Variants in CNTN5 observed in about 807,000 individuals in gnomAD.
CNTN5 encodes the protein contactin 5.
Under a neutral mutation model 129.1 loss-of-function variants are expected in CNTN5, and 77 were observed. That is an observed-to-expected ratio of 0.60 (90% confidence interval 0.50 to 0.72). The LOEUF (loss-of-function observed/expected upper bound fraction) is 0.72. Among genes scored for constraint, CNTN5 ranks in the 30% least tolerant of loss-of-function variants. The probability of loss-of-function intolerance (pLI) is 0.00; values close to 1 mark genes in which losing one functional copy is unlikely to be tolerated. For missense variants in CNTN5, 1,478 were observed against 1,328.8 expected, an observed-to-expected ratio of 1.11 and a Z score of -1.75; for synonymous variants, 509 against 465.6, an observed-to-expected ratio of 1.09 and a Z score of -1.20.
intron 3 of CNTN5, among the ~76,000 whole-genome samples, chr11:99,724,673 C>G (rs1373034916): frequency 1.3e-5 from 2 of 152,080 alleles, no homozygotes; most frequent in Non-Finnish European, 2.9e-5. Context: ...GAGGACTTGA[C>G]TAAGAGATAC....
At chr11:100,252,244 T>C (rs1949977329) in intron 16 of CNTN5, among the ~76,000 whole-genome samples, 1 of 152,148 alleles carries the variant, frequency 6.6e-6, no homozygotes. Context: ...CAGATGTGAC[T>C]GTTTTTTAAT....
chr11:100,201,412 T>C (rs1948774758), intron 15 of CNTN5, among the ~76,000 whole-genome samples: 1 of 151,940 alleles, frequency 6.6e-6, no homozygotes, highest in South Asian at 2.1e-4. Context: ...AATAAATGAA[T>C]ATTATCAAAA....
intron 3 of CNTN5, among the ~76,000 whole-genome samples, chr11:99,791,112 GT>G (rs35865644): frequency 0.58 from 86,745 of 149,128 alleles, 25,770 homozygotes; most frequent in East Asian, 0.72. Context: ...TTTGTTGATA[GT>G]TTTTTTTTTT....
intron 3 of CNTN5, among the ~76,000 whole-genome samples, chr11:99,801,065 T>G (rs1228556323): frequency 6.6e-6 from 1 of 152,128 alleles, no homozygotes; most frequent in Non-Finnish European, 1.5e-5. Flanking sequence ...AAGTATGTTT[T>G]GTTTTGTTTT....
chr11:99,619,490 A>G (rs1950863663), intron 3 of CNTN5, among the ~76,000 whole-genome samples: 2 of 152,130 alleles, frequency 1.3e-5, no homozygotes, highest in Admixed American at 6.5e-5. Flanking sequence ...TGGAGCTGTC[A>G]TCACCATCTA....
chr11:99,235,095 C>T (rs1861200291), intron 1 of CNTN5, among the ~76,000 whole-genome samples: 1 of 150,638 alleles, frequency 6.6e-6, no homozygotes, highest in South Asian at 2.1e-4. Context: ...TTGGTAATTA[C>T]ACTTAATTTG....
At chr11:100,186,764 G>C (rs1948312025) in intron 13 of CNTN5, among the ~76,000 whole-genome samples, 1 of 152,114 alleles carries the variant, frequency 6.6e-6, no homozygotes, top group Non-Finnish European at 1.5e-5. Flanking sequence ...CCCCATATAT[G>C]AAAATTCTAT....
chr11:99,996,405 GCTCT>G (rs1176417554), intron 8 of CNTN5, among the ~76,000 whole-genome samples: 10 of 152,160 alleles, frequency 6.6e-5, no homozygotes, highest in Middle Eastern at 3.4e-3. Flanking sequence ...GATAATCAAT[GCTCT>G]CTATTTTTCA....
At chr11:100,344,237 T>C (rs566150537) in intron 23 of CNTN5, among the ~76,000 whole-genome samples, 3 of 152,158 alleles carry the variant, frequency 2.0e-5, no homozygotes, top group Non-Finnish European at 4.4e-5. Flanking sequence ...ACCTTTTACA[T>C]TAAGTCCAGT....
intron 6 of CNTN5, among the ~76,000 whole-genome samples, chr11:99,880,794 C>G (rs910956471): frequency 2.0e-5 from 3 of 152,054 alleles, no homozygotes; most frequent in African/African-American, 7.2e-5. Context: ...GAATTGTCAT[C>G]TCTATTTAGG....
At chr11:99,043,299 C>T (rs897073699) in intron 1 of CNTN5, among the ~76,000 whole-genome samples, 2 of 128,830 alleles carry the variant, frequency 1.6e-5, no homozygotes, top group South Asian at 3.0e-4. Context: ...CCCACCCCAC[C>T]ACAGTCCCCA....
Position 99,445,750 on chromosome 11 carries a change from A to G in CNTN5, c.-70-110395A>G, listed in dbSNP as rs1003186415. Among the ~76,000 whole-genome samples, 3 of 152,086 alleles carry G rather than the reference A, an allele frequency of 2.0e-5. No homozygotes were observed. In the East Asian group the frequency reaches 5.8e-4, roughly 29 times the overall value. On this transcript the variant is annotated intron_variant, in intron 2 of 24. Coordinates refer to ENST00000524871, the MANE Select transcript of CNTN5 (RefSeq NM_014361.4). ...TTTATATTTCAGAGGACGTAACATT[A>G]TTTAATATGTGGTTCATAGAAGTTC...
chr11:99,168,435 C>T (rs1218120721), intron 1 of CNTN5, among the ~76,000 whole-genome samples: 1 of 151,986 alleles, frequency 6.6e-6, no homozygotes, highest in Non-Finnish European at 1.5e-5. Flanking sequence ...AAAATATTAG[C>T]CAGGTATGGA....
chr11:99,744,428 C>T (rs1008827908), intron 3 of CNTN5, among the ~76,000 whole-genome samples: 5 of 151,386 alleles, frequency 3.3e-5, no homozygotes, highest in African/African-American at 1.2e-4. Context: ...GGACTGGGCC[C>T]TGTGGCTCAT....
At chr11:99,657,448 G>C (rs562807732) in intron 3 of CNTN5, among the ~76,000 whole-genome samples, 43 of 152,100 alleles carry the variant, frequency 2.8e-4, no homozygotes, top group Admixed American at 1.4e-3. Flanking sequence ...CAGTCTCCAT[G>C]GTATCCTTGA....
intron 6 of CNTN5, among the ~76,000 whole-genome samples, chr11:99,845,949 A>G (rs1454857731): frequency 2.6e-5 from 4 of 152,106 alleles, no homozygotes; most frequent in African/African-American, 4.8e-5. Context: ...ACTAACTACT[A>G]TAGTCACCAT....
chr11:99,737,063 C>T (rs1393451979), intron 3 of CNTN5, among the ~76,000 whole-genome samples: 1 of 152,028 alleles, frequency 6.6e-6, no homozygotes. Flanking sequence ...GAATAGTCTC[C>T]ACGTTTTGCC....
At chr11:99,932,698 G>GA (rs1382624524) in intron 7 of CNTN5, among the ~76,000 whole-genome samples, 4 of 152,094 alleles carry the variant, frequency 2.6e-5, no homozygotes, top group Non-Finnish European at 5.9e-5. Flanking sequence ...GATGATATAT[G>GA]TAAAGTATTT....
At chr11:99,493,913 A>G (rs1420809630) in intron 2 of CNTN5, among the ~76,000 whole-genome samples, 2 of 152,222 alleles carry the variant, frequency 1.3e-5, no homozygotes, top group African/African-American at 4.8e-5. Context: ...CAATCTATAT[A>G]GTCATGTAGA....
Sources: allele counts gnomAD v4.1 joint callset (sites outside exome capture counted in the v4.1 genomes callset), GRCh38; gene constraint gnomAD v4.1.1; transcripts MANE v1.5; gene names NCBI Gene and HGNC (gene_info 2026-07-23, HGNC 2026-07-21).